SOBP: variants seen among roughly 807,000 people sequenced by gnomAD.
SOBP encodes sine oculis binding protein homolog.
Under a neutral mutation model 53.6 loss-of-function variants are expected in SOBP, and 4 were observed. That is an observed-to-expected ratio of 0.07 (90% CI 0.04 to 0.17). SOBP has a LOEUF of 0.17. Ranked by LOEUF, SOBP falls within the 10% of genes least tolerant of loss-of-function variation. SOBP has a pLI of 1.00. For synonymous variants in SOBP, 584 were observed against 522.6 expected (o/e 1.12, Z -1.60); for missense variants, 1,088 against 1,204.7 (o/e 0.90, Z 1.43).
rs563979689 is a variant in SOBP, at chr6:107,597,808, C to T, written c.669+10633C>T. ...AATTCAAACCAAAAAGACCTTTTCT[C>T]GAGGGATATATTCTCCCTGGTTTAT... On this transcript the variant is annotated intron_variant, in intron 5 of 6. Coordinates refer to ENST00000317357, the MANE Select transcript of SOBP (RefSeq NM_018013.4). Among the ~76,000 whole-genome samples the T allele has an allele frequency of 1.6e-3, 237 of 152,284 alleles. 1 individual carries two copies. Among genetic ancestry groups the T allele is most frequent in the Non-Finnish European group, 2.2e-3 (152 of 68,024 alleles).
chr6:107,570,740 G>C (rs1785050765), intron 4 of SOBP, among the ~76,000 whole-genome samples: 1 of 152,246 alleles, frequency 6.6e-6, no homozygotes, highest in South Asian at 2.1e-4. Context: ...GCCTGGCAGA[G>C]AGGAGAGATT....
intron 5 of SOBP, among the ~76,000 whole-genome samples, chr6:107,621,729 G>A (rs758237892): frequency 6.6e-5 from 10 of 152,164 alleles, no homozygotes; most frequent in Non-Finnish European, 5.9e-5. Flanking sequence ...ACTCTGGCCC[G>A]GGTGACTGGT....
In SOBP at chr6:107,519,848, T is replaced by G. The variant is rs530363770; in HGVS notation, c.421+13421T>G. ...TTTCTCTTGTCCCTCACTCCTACTT[T>G]CTGGGATCACATGCCCATTAAAGCA... On this transcript the variant is annotated intron_variant, in intron 3 of 6. Transcript: ENST00000317357. Among the ~76,000 whole-genome samples the G allele has an allele frequency of 2.0e-5, 3 of 152,298 alleles. No homozygotes were observed. The East Asian group carries it at 5.8e-4, about 29-fold the overall frequency.
intron 5 of SOBP, among the ~76,000 whole-genome samples, chr6:107,589,332 A>T (rs1244564361): frequency 1.3e-5 from 2 of 152,206 alleles, no homozygotes; most frequent in Non-Finnish European, 1.5e-5. Context: ...ACAGACACTG[A>T]CAGAAAGTGC....
At chr6:107,557,648 T>G (rs76079823) in intron 4 of SOBP, among the ~76,000 whole-genome samples, 3,112 of 152,264 alleles carry the variant, frequency 0.02, 97 homozygotes, top group African/African-American at 0.071. Flanking sequence ...ATATTTCACT[T>G]TATTTGGTCC....
chr6:107,608,535 A>G (rs1482258460), intron 5 of SOBP, among the ~76,000 whole-genome samples: 3 of 152,240 alleles, frequency 2.0e-5, no homozygotes, highest in South Asian at 2.1e-4. Context: ...GAGGACTGAC[A>G]TAGGATGGTA....
At chr6:107,561,261 C>T (rs555444987) in intron 4 of SOBP, among the ~76,000 whole-genome samples, 2 of 151,998 alleles carry the variant, frequency 1.3e-5, no homozygotes, top group East Asian at 1.9e-4. Context: ...GCAAGGCATA[C>T]GTAGTTCATG....
chr6:107,606,323 C>T (rs113101050), intron 5 of SOBP, among the ~76,000 whole-genome samples: 9 of 152,108 alleles, frequency 5.9e-5, no homozygotes, highest in African/African-American at 2.2e-4. Flanking sequence ...GTGATCCACC[C>T]GCCTTGGCCT....
chr6:107,509,480 C>CT (rs949920942), intron 3 of SOBP, among the ~76,000 whole-genome samples: 39 of 149,324 alleles, frequency 2.6e-4, no homozygotes, highest in African/African-American at 6.1e-4. Flanking sequence ...GACCTTTTTT[C>CT]TTTTTTTTTG....
In SOBP at chr6:107,635,253, C is replaced by T. The variant is rs199587338; in HGVS notation, c.2409C>T (p.Asp803=). Residue 803 remains aspartate (D), a synonymous_variant, in exon 6 of 7, where the codon GAC becomes GAT. Transcript: ENST00000317357. This position sits in a 1 kb window ranked among gnomAD's most constrained non-coding sequence, Gnocchi z 4.5. ...CCCTGGCGGGGGGCGACAAGTCAGA[C>T]CCGAACCTTAATAACCCCGCGGACG... ...EEALAGGDKS[D]PNLNNPADED... 677 of 1,613,940 alleles carry T rather than the reference C, an allele frequency of 4.2e-4. No individual in the cohort carries two copies. The highest frequency in any genetic ancestry group is 1.7e-3 in the Middle Eastern group (10 of 6,060).
At position 107,635,483 on chromosome 6, in the gene SOBP, C is replaced by T; in HGVS notation, c.*3+14C>T. ...AATAAGTAAAAGGTTTGTATGTCCG[C>T]CGGGCGCTCCTCCACACCAGCCAGT... On this transcript the variant is annotated intron_variant, in intron 6 of 6. Transcript: ENST00000317357. This position sits in a 1 kb window ranked among gnomAD's most constrained non-coding sequence, Gnocchi z 4.5. 2 of 1,611,710 alleles carry T rather than the reference C, an allele frequency of 1.2e-6. No homozygotes were observed. The highest frequency in any genetic ancestry group is 8.5e-7 in the Non-Finnish European group (1 of 1,179,998).
At chr6:107,517,844 G>A (rs1422097811) in intron 3 of SOBP, among the ~76,000 whole-genome samples, 1 of 152,012 alleles carries the variant, frequency 6.6e-6, no homozygotes, top group Non-Finnish European at 1.5e-5. Context: ...TAACCATAAT[G>A]GAAAAAGTTA....
intron 4 of SOBP, among the ~76,000 whole-genome samples, chr6:107,577,033 AC>A (rs57320932): frequency 0.23 from 34,712 of 152,072 alleles, 4,458 homozygotes; most frequent in African/African-American, 0.35. Flanking sequence ...ATCCATGACT[AC>A]CCTCACCAGC....
At position 107,629,997 on chromosome 6, in the gene SOBP, T is replaced by C. The variant is rs1770636256; in HGVS notation, c.670-3517T>C. On this transcript the variant is annotated intron_variant, in intron 5 of 6. Coordinates refer to ENST00000317357, the MANE Select transcript of SOBP (RefSeq NM_018013.4). ...GAAGCATTTCAGCTGTCTCGCTCAA[T>C]GGCATTGCATTTGCTGGTTGTTGGG... Among the ~76,000 whole-genome samples, 7 of 152,392 alleles carry C rather than the reference T, an allele frequency of 4.6e-5. No homozygotes were observed. In the South Asian group the frequency reaches 1.4e-3, roughly 32 times the overall value.
Position 107,634,738 on chromosome 6 carries a change from G to A in SOBP, c.1894G>A (p.Gly632Ser), listed in dbSNP as rs1167564805. ...DLTRRAGSPP[G>S]PPGAGGQLGF... ...GACGCGGCGCGCCGGCAGCCCCCCG[G>A]GCCCCCCGGGCGCGGGCGGCCAGCT... is the stretch of plus-strand genomic sequence containing the variant. The change falls in exon 6 of 7, where the codon GGC becomes AGC. Residue 632 changes from glycine to serine, a missense_variant. Around this residue, in one of 6 missense-constraint regions of SOBP, gnomAD observed 665 missense variants for 629.7 expected, o/e 1.06. Transcript: ENST00000317357. This position sits in a 1 kb window ranked among gnomAD's most constrained non-coding sequence, Gnocchi z 4.5. 1.3e-4 allele frequency: 177 copies of A among 1,339,614 alleles called. No homozygotes were observed. Among genetic ancestry groups the A allele is most frequent in the Non-Finnish European group, 1.5e-4 (162 of 1,053,634 alleles). The allele number at this position is 1,339,614 out of a possible 1,614,324, so 83.0% of individuals were successfully genotyped here.
chr6:107,578,091 A>G (rs1158497817), intron 4 of SOBP, among the ~76,000 whole-genome samples: 2 of 150,868 alleles, frequency 1.3e-5, no homozygotes, highest in East Asian at 1.9e-4. Context: ...AAAAAAAAAA[A>G]AAAAGAAGAA....
chr6:107,534,016 G>T (rs1783919714), intron 4 of SOBP, among the ~76,000 whole-genome samples: 1 of 152,168 alleles, frequency 6.6e-6, no homozygotes, highest in Admixed American at 6.5e-5. Flanking sequence ...TTTAATTCTT[G>T]TACCCAGTGG....
chr6:107,576,366 A>G (rs1172937338), intron 4 of SOBP, among the ~76,000 whole-genome samples: 1 of 152,224 alleles, frequency 6.6e-6, no homozygotes, highest in Non-Finnish European at 1.5e-5. Flanking sequence ...CTTTACATAT[A>G]TAATACTCAT....
At chr6:107,603,296 G>A (rs1253862784) in intron 5 of SOBP, among the ~76,000 whole-genome samples, 1 of 152,218 alleles carries the variant, frequency 6.6e-6, no homozygotes, top group Non-Finnish European at 1.5e-5. Flanking sequence ...AATGGAGAAT[G>A]GGTGTCAGTG....
Sources: gnomAD v4.1 joint callset for allele counts (sites outside exome capture counted in the v4.1 genomes callset) on GRCh38, gnomAD v4.1.1 for gene constraint, gnomAD v4.1.1 regional missense constraint, Gnocchi (gnomAD v3.1) non-coding constraint, MANE v1.5 for transcripts, NCBI Gene and HGNC (gene_info 2026-07-23, HGNC 2026-07-21) for gene names.